The following FHIT variants were observed in gnomAD, a reference collection of about 807,000 sequenced individuals.
FHIT encodes fragile histidine triad diadenosine triphosphatase, also known as bis(5'-adenosyl)-triphosphatase.
In FHIT, 19 loss-of-function variants were observed where a neutral mutation model predicts 17.9. The ratio of observed to expected loss-of-function variants is 1.06; its 90% CI spans 0.74 to 1.56. The LOEUF (loss-of-function observed/expected upper bound fraction) is 1.56, where lower values mean the gene tolerates loss of function less well. Among genes scored for constraint, FHIT ranks in the 40% most tolerant of loss-of-function variants. The pLI is 0.00. For synonymous variants in FHIT, 81 were observed against 69.7 expected (o/e 1.16, Z -0.81); for missense variants, 248 against 189.2 (o/e 1.31, Z -1.82).
intron 4 of FHIT, among the ~76,000 whole-genome samples, chr3:60,577,704 T>C (rs1263790823): frequency 1.3e-5 from 2 of 152,114 alleles, no homozygotes; most frequent in African/African-American, 4.8e-5. Context: ...GTCTTTTTTA[T>C]TTCTATTAAA....
At chr3:60,772,645 G>A (rs1331069705) in intron 4 of FHIT, among the ~76,000 whole-genome samples, 1 of 152,078 alleles carries the variant, frequency 6.6e-6, no homozygotes, top group Non-Finnish European at 1.5e-5. Context: ...AAGCTAATGA[G>A]GGACCAACTG....
intron 5 of FHIT, among the ~76,000 whole-genome samples, chr3:60,235,908 T>C (rs1175011396): frequency 6.6e-6 from 1 of 152,142 alleles, no homozygotes; most frequent in African/African-American, 2.4e-5. Context: ...AGCGTTCAAT[T>C]GGCTCCAGGG....
chr3:60,690,241 T>C, intron 4 of FHIT: 1 of 531,490 alleles, frequency 1.9e-6, no homozygotes, highest in Non-Finnish European at 3.7e-6. Flanking sequence ...CTGTCCACAG[T>C]CAGCAATAGT....
rs1355873749 is a variant in FHIT, at chr3:60,590,475, T to C, written c.-17-53496A>G. Among the ~76,000 whole-genome samples, 6 of 152,186 alleles carry C rather than the reference T, an allele frequency of 3.9e-5. No individual in the cohort carries two copies. The East Asian group carries it at 9.7e-4, about 25-fold the overall frequency. ...GATGTATTGTTTATTTTTCATAGAG[T>C]CCATGCACTTAGGAGGAAACAGGGC... is the stretch of plus-strand genomic sequence containing the variant. On this transcript the variant is annotated intron_variant, in intron 4 of 9. Coordinates refer to ENST00000492590, the MANE Select transcript of FHIT (RefSeq NM_002012.4).
rs374701930 is a variant in FHIT at position 60,238,447 on chromosome 3, C to CAAAA, written c.104-224299_104-224296dup. Among the ~76,000 whole-genome samples, 128 of 117,398 alleles carry CAAAA rather than the reference C, an allele frequency of 1.1e-3. 2 individuals are homozygous for CAAAA. The highest frequency in any genetic ancestry group is 1.5e-3 in the South Asian group (5 of 3,336). 77.0% of individuals were successfully genotyped at this position (117,398 alleles called of 152,430 possible). On this transcript the variant is annotated intron_variant, in intron 5 of 9. Coordinates refer to ENST00000492590, the MANE Select transcript of FHIT (RefSeq NM_002012.4). ...ATACCACTCAACTAGCTGTACTAAG[C>CAAAA]AAAAAAAAAAAAAAAAAGTCACAGC...
chr3:60,507,415 T>C (rs1201838624), intron 5 of FHIT, among the ~76,000 whole-genome samples: 2 of 152,186 alleles, frequency 1.3e-5, no homozygotes, highest in Non-Finnish European at 2.9e-5. Flanking sequence ...AAAGGCCATG[T>C]TTTAAAAGCT....
At chr3:59,794,936 A>G (rs1028302024) in intron 8 of FHIT, among the ~76,000 whole-genome samples, 32 of 152,204 alleles carry the variant, frequency 2.1e-4, no homozygotes, top group African/African-American at 7.7e-4. Flanking sequence ...ATGATCTTAG[A>G]TAAGCACGAG....
intron 5 of FHIT, among the ~76,000 whole-genome samples, chr3:60,409,681 C>G (rs1701995323): frequency 6.6e-6 from 1 of 152,094 alleles, no homozygotes; most frequent in South Asian, 2.1e-4. Context: ...AGTAATACAT[C>G]TAAAGTCATA....
At chr3:60,560,557 C>A (rs898841158) in intron 4 of FHIT, among the ~76,000 whole-genome samples, 2 of 151,998 alleles carry the variant, frequency 1.3e-5, no homozygotes, top group Admixed American at 1.3e-4. Flanking sequence ...CACCCCAGGT[C>A]TGCAGTGACA....
chr3:60,123,757 T>C (rs1292955105), intron 5 of FHIT, among the ~76,000 whole-genome samples: 1 of 151,558 alleles, frequency 6.6e-6, no homozygotes, highest in Non-Finnish European at 1.5e-5. Context: ...TTAAGTTTAG[T>C]GGATTAAGCA....
At chr3:59,812,695 T>A (rs1460006820) in intron 8 of FHIT, among the ~76,000 whole-genome samples, 1 of 152,222 alleles carries the variant, frequency 6.6e-6, no homozygotes, top group Non-Finnish European at 1.5e-5. Flanking sequence ...ACATTCCCTG[T>A]CTGCATGGGC....
Position 60,529,783 on chromosome 3 carries a change from G to C in FHIT, c.103+7077C>G, listed in dbSNP as rs182076642. 1.1e-3 allele frequency among the ~76,000 whole-genome samples: 160 copies of C among 152,266 alleles called. 1 individual carries two copies. The highest frequency in any genetic ancestry group is 2.3e-3 in the South Asian group (11 of 4,826). On this transcript the variant is annotated intron_variant, in intron 5 of 9. Coordinates refer to ENST00000492590, the MANE Select transcript of FHIT (RefSeq NM_002012.4). ...GCTTTCCAAATTACAGGATACCCAT[G>C]ATAGCAACATAAGAAATATTTGAAG... is the stretch of plus-strand genomic sequence containing the variant.
At chr3:59,864,051 C>T (rs550379554) in intron 8 of FHIT, among the ~76,000 whole-genome samples, 10 of 152,330 alleles carry the variant, frequency 6.6e-5, no homozygotes, top group African/African-American at 1.9e-4. Context: ...ATATTTGTTT[C>T]TTTCTGCCAT....
intron 8 of FHIT, among the ~76,000 whole-genome samples, chr3:59,888,643 G>A (rs563045983): frequency 6.6e-6 from 1 of 152,200 alleles, no homozygotes; most frequent in South Asian, 2.1e-4. Context: ...TTTTCTTTGA[G>A]GGATCTAGGT....
intron 7 of FHIT, among the ~76,000 whole-genome samples, chr3:59,979,818 C>T (rs1003603973): frequency 2.6e-5 from 4 of 152,034 alleles, no homozygotes; most frequent in African/African-American, 9.7e-5. Flanking sequence ...TGAAACTGAG[C>T]GTCACCATCC....
chr3:60,914,463 G>A (rs541597760), intron 3 of FHIT, among the ~76,000 whole-genome samples: 1 of 151,898 alleles, frequency 6.6e-6, no homozygotes, highest in Non-Finnish European at 1.5e-5. Flanking sequence ...GGCCATGGAA[G>A]GACGGTTGTG....
chr3:61,136,429 T>C lies in FHIT; in HGVS notation c.-164+64188A>G, dbSNP rs527301940. Among the ~76,000 whole-genome samples, 11 of 152,234 alleles carry C rather than the reference T, an allele frequency of 7.2e-5. No homozygotes were observed. In the South Asian group the frequency reaches 1.9e-3, roughly 26 times the overall value. On this transcript the variant is annotated intron_variant, in intron 2 of 9. Transcript: ENST00000492590. ...AGTCATCAAACAGCTTTCGGGGTGCTTGAAGCATAAGATATGCAAAAAACT... is the reference window on the plus strand; with the variant it reads ...AGTCATCAAACAGCTTTCGGGGTGCCTGAAGCATAAGATATGCAAAAAACT...
intron 7 of FHIT, among the ~76,000 whole-genome samples, chr3:59,982,257 G>C (rs1355220620): frequency 1.3e-5 from 2 of 152,060 alleles, no homozygotes; most frequent in African/African-American, 4.8e-5. Context: ...CCTGAAGATG[G>C]TTGTTTAAGT....
At chr3:60,677,255 G>A (rs2040642649) in intron 4 of FHIT, among the ~76,000 whole-genome samples, 1 of 152,056 alleles carries the variant, frequency 6.6e-6, no homozygotes, top group Non-Finnish European at 1.5e-5. Flanking sequence ...TCAAGTCTGG[G>A]CTTTTAATGT....
Sources: gnomAD v4.1 joint callset for allele counts (sites outside exome capture counted in the v4.1 genomes callset) on GRCh38, gnomAD v4.1.1 for gene constraint, MANE v1.5 for transcripts, NCBI Gene and HGNC (gene_info 2026-07-23, HGNC 2026-07-21) for gene names.